PLP2: variants seen among roughly 807,000 people sequenced by gnomAD.
The protein encoded by PLP2 is proteolipid protein 2, also known as A4 differentiation-dependent protein.
PLP2 carries 8 observed loss-of-function variants against 11.4 expected under a neutral mutation model. That is an observed-to-expected ratio of 0.70 (90% CI 0.41 to 1.27). The LOEUF is 1.27. PLP2 is among the 50% of genes most tolerant of loss of function. The probability of loss-of-function intolerance (pLI) is 0.01; values close to 1 mark genes in which losing one functional copy is unlikely to be tolerated. For synonymous variants in PLP2, 50 were observed against 53.2 expected, an observed-to-expected ratio of 0.94 and a Z score of 0.26; for missense variants, 127 against 123.5, an observed-to-expected ratio of 1.03 and a Z score of -0.14.
intron 1 of PLP2, 68 bp downstream of exon 1, chrX:49,172,164 G>A (rs1557099290): frequency 3.7e-6 from 3 of 807,372 alleles, no homozygotes; most frequent in Non-Finnish European, 5.5e-6. Context: ...GGAACTGGAT[G>A]GTCCGGGTGA....
chrX:49,171,963 G>A lies in PLP2; in HGVS notation c.-38G>A. On this transcript the variant is annotated 5_prime_UTR_variant, in exon 1 of 5. Transcript: ENST00000376327. Reference sequence around the variant, plus strand: ...CGTCCTCGAAACCACGAGCAAGTGAGCAGATCCTCCGAGGCACCAGGGACT... The same window carrying A: ...CGTCCTCGAAACCACGAGCAAGTGAACAGATCCTCCGAGGCACCAGGGACT... 1 of 960,173 alleles carries A rather than the reference G, an allele frequency of 1.0e-6. No individual in the cohort carries two copies. Among genetic ancestry groups the A allele is most frequent in the Non-Finnish European group, 1.5e-6 (1 of 671,767 alleles). The allele number at this position is 960,173 out of a possible 1,213,427, so 79.1% of individuals were successfully genotyped here.
chrX:49,174,703 C>T lies in PLP2; in HGVS notation c.*9C>T. ...CAGATGGCCCGGTGTAGGCGAACTT[C>T]CCTCATTTCTCTCTGCAATCTGCAA... is the stretch of plus-strand genomic sequence containing the variant. On this transcript the variant is annotated 3_prime_UTR_variant, in exon 5 of 5. Transcript: ENST00000376327. The T allele has an allele frequency of 8.4e-7, 1 of 1,194,035 alleles. No homozygotes were observed. Among genetic ancestry groups the T allele is most frequent in the East Asian group, 3.0e-5 (1 of 33,775 alleles).
chrX:49,173,648 G>T (rs1371738026), intron 3 of PLP2, 165 bp downstream of exon 3: 2 of 1,045,083 alleles, frequency 1.9e-6, no homozygotes, highest in African/African-American at 1.9e-5. Context: ...GCCTCCCAAG[G>T]TCTTCATTTG....
At position 49,171,950 on chromosome X, in the gene PLP2, C is replaced by T. The variant is rs782717583; in HGVS notation, c.-51C>T. ...GCTGGGTGTACAGCGTCCTCGAAAC[C>T]ACGAGCAAGTGAGCAGATCCTCCGA... is the stretch of plus-strand genomic sequence containing the variant. On this transcript the variant is annotated 5_prime_UTR_variant, in exon 1 of 5. Transcript: ENST00000376327. 2 of 910,555 alleles carry T rather than the reference C, an allele frequency of 2.2e-6. No homozygotes were observed. Among genetic ancestry groups the T allele is most frequent in the Admixed American group, 4.8e-5 (2 of 42,012 alleles). 75.0% of individuals were successfully genotyped at this position (910,555 alleles called of 1,213,427 possible). A position where few individuals can be genotyped will look rare whatever the true frequency, so the allele number is the denominator to read the frequency against.
chrX:49,173,765 A>G, intron 3 of PLP2: 1 of 472,683 alleles, frequency 2.1e-6, no homozygotes, highest in South Asian at 3.2e-5. Context: ...CTTTGTCCCA[A>G]ATGTAGTAGA....
rs201497020 is a variant in PLP2, at chrX:49,174,350, G to A, written c.361G>A (p.Ala121Thr). The change falls in exon 4 of 5, where the codon GCT (alanine) becomes ACT (threonine). Residue 121 changes from alanine to threonine, a missense_variant. Physicochemically the swap from Ala to Thr is moderately conservative, Grantham distance 58. Coordinates refer to ENST00000376327, the MANE Select transcript of PLP2 (RefSeq NM_002668.3). ...KIVAGVLGLI[A>T]TCLFGYDAYV... ...TGTCCCCCAGGTACTGGGCCTAATC[G>A]CTACGTGCCTCTTTGGCTATGATGC... is the stretch of plus-strand genomic sequence containing the variant. 7.5e-6 allele frequency: 9 copies of A among 1,207,287 alleles called. No homozygotes were observed. Among genetic ancestry groups the A allele is most frequent in the African/African-American group, 1.8e-5 (1 of 57,055 alleles).
At position 49,171,944 on chromosome X, in the gene PLP2, C is replaced by G. The variant is rs2065394029; in HGVS notation, c.-57C>G. On this transcript the variant is annotated 5_prime_UTR_variant, in exon 1 of 5. Coordinates refer to ENST00000376327, the MANE Select transcript of PLP2 (RefSeq NM_002668.3). ...AAGACAGCTGGGTGTACAGCGTCCTCGAAACCACGAGCAAGTGAGCAGATC... is the reference window on the plus strand; with the variant it reads ...AAGACAGCTGGGTGTACAGCGTCCTGGAAACCACGAGCAAGTGAGCAGATC... 4.6e-6 allele frequency: 4 copies of G among 878,037 alleles called. No homozygotes were observed. The highest frequency in any genetic ancestry group is 6.6e-6 in the Non-Finnish European group (4 of 603,260). 72.4% of individuals were successfully genotyped at this position (878,037 alleles called of 1,213,427 possible).
chrX:49,172,498 C>CCCCCG (rs1486045323), intron 1 of PLP2, among the ~76,000 whole-genome samples: 1 of 111,746 alleles, frequency 8.9e-6, no homozygotes, highest in South Asian at 3.7e-4. Flanking sequence ...GGGTGGGGCC[C>CCCCCG]CCCCGCCCCG....
intron 3 of PLP2, 80 bp downstream of exon 3, chrX:49,173,563 C>A (rs1557099496): frequency 1.5e-5 from 18 of 1,198,436 alleles, no homozygotes; most frequent in Non-Finnish European, 2.0e-5. Flanking sequence ...TTGCTTCTGG[C>A]AGAAATCGTG....
At position 49,174,429 on chromosome X, in the gene PLP2, A is replaced by AGC; in HGVS notation, c.436+5_436+6insCG. The AGC allele has an allele frequency of 2.2e-6, 2 of 923,636 alleles. No individual in the cohort carries two copies. Among genetic ancestry groups the AGC allele is most frequent in the Non-Finnish European group, 3.0e-6 (2 of 660,171 alleles). 76.1% of individuals were successfully genotyped at this position (923,636 alleles called of 1,213,427 possible). On this transcript the variant is annotated splice_donor_region_variant and intron_variant, in intron 4 of 4. Transcript: ENST00000376327. ...AGACATACAGCAGCCCCCACTGGTA[A>AGC]GTGTGTGTGTGTGTTGGTTGGGGGT...
chrX:49,172,694 C>A (rs1347686825), intron 1 of PLP2, among the ~76,000 whole-genome samples: 1 of 112,560 alleles, frequency 8.9e-6, no homozygotes, highest in East Asian at 2.8e-4. Context: ...TCACTCTCAC[C>A]GCTTCCCAAA....
intron 3 of PLP2, 130 bp from the exon 4 acceptor site, chrX:49,174,205 G>A: frequency 1.9e-6 from 1 of 536,342 alleles, no homozygotes; most frequent in South Asian, 2.5e-5. Context: ...CCTTTCCCTG[G>A]CTTACCAACC....
At chrX:49,172,217 G>C in intron 1 of PLP2, 121 bp downstream of exon 1, 1 of 547,864 alleles carries the variant, frequency 1.8e-6, no homozygotes, top group South Asian at 2.6e-5. Flanking sequence ...GGTGCAGGTG[G>C]GTGGGTTCAC....
rs2065399457 is a variant in PLP2, at chrX:49,173,422, A to G, written c.284A>G (p.Tyr95Cys). ...FFRTLIAAIL[Y>C]LITSIVVLVE... Reference sequence around the variant, plus strand: ...CGAACCCTCATAGCGGCAATCCTCTACCTGATCACCTCCATTGTTGTCCTT... The same window carrying G: ...CGAACCCTCATAGCGGCAATCCTCTGCCTGATCACCTCCATTGTTGTCCTT... The change falls in exon 3 of 5, where the codon TAC (tyrosine) becomes TGC (cysteine). Residue 95 changes from tyrosine to cysteine, a missense_variant. Tyr to Cys is a radical substitution (Grantham distance 194, BLOSUM62 -2). Transcript: ENST00000376327. 4.1e-6 allele frequency: 5 copies of G among 1,211,343 alleles called. No homozygotes were observed. The highest frequency in any genetic ancestry group is 4.5e-6 in the Non-Finnish European group (4 of 895,368).
intron 3 of PLP2, 113 bp downstream of exon 3, chrX:49,173,596 G>T (rs1557099506): frequency 8.5e-7 from 1 of 1,178,592 alleles, no homozygotes; most frequent in South Asian, 1.8e-5. Context: ...AGTCACACTT[G>T]TCCTCAGACA....
At chrX:49,173,515 G>A (rs782788977) in intron 3 of PLP2, 32 bp downstream of exon 3, 1 of 1,211,668 alleles carries the variant, frequency 8.3e-7, no homozygotes, top group East Asian at 3.0e-5. Context: ...CTGAAGCACA[G>A]AGCGAAGGGT....
intron 3 of PLP2, among the ~76,000 whole-genome samples, chrX:49,173,926 C>G (rs931627980): frequency 9.0e-6 from 1 of 111,167 alleles, no homozygotes; most frequent in Non-Finnish European, 1.9e-5. Context: ...AAAAATCAGC[C>G]GGGCATGGTG....
intron 3 of PLP2, 102 bp from the exon 4 acceptor site, chrX:49,174,233 C>A: frequency 1.6e-6 from 1 of 626,481 alleles, no homozygotes; most frequent in Non-Finnish European, 2.7e-6. Context: ...TGAGTCCCAT[C>A]CTGCGTGGGG....
At position 49,172,079 on chromosome X, in the gene PLP2, C is replaced by T; in HGVS notation, c.79C>T (p.Leu27Phe). 8.3e-7 allele frequency: 1 copy of T among 1,200,062 alleles called. No homozygotes were observed. Among genetic ancestry groups the T allele is most frequent in the Non-Finnish European group, 1.1e-6 (1 of 885,230 alleles). ...TNFSRTRKGILLFAEIILCLV... is the reference protein window; with the variant it reads ...TNFSRTRKGIFLFAEIILCLV... Reference sequence around the variant, plus strand: ...CTTCTCGCGCACTCGAAAGGGAATCCTCCTGTTTGCTGAGATTGTGAGCGT... The same window carrying T: ...CTTCTCGCGCACTCGAAAGGGAATCTTCCTGTTTGCTGAGATTGTGAGCGT... Residue 27 changes from leucine to phenylalanine, a missense_variant, in exon 1 of 5, where the codon CTC (leucine) becomes TTC (phenylalanine). Leu to Phe is a conservative substitution (Grantham distance 22). Coordinates refer to ENST00000376327, the MANE Select transcript of PLP2 (RefSeq NM_002668.3).
Sources: gnomAD v4.1 joint callset for allele counts (sites outside exome capture counted in the v4.1 genomes callset) on GRCh38, gnomAD v4.1.1 for gene constraint, MANE v1.5 for transcripts, NCBI Gene and HGNC (gene_info 2026-07-23, HGNC 2026-07-21) for gene names.